The following LONP1 variants were observed in gnomAD, a reference collection of about 807,000 sequenced individuals.
The protein encoded by LONP1 is lon peptidase 1, mitochondrial, also known as lon protease homolog, mitochondrial.
A neutral mutation model predicts 98.5 loss-of-function variants in LONP1; 31 were observed. The ratio of observed to expected loss-of-function variants is 0.31; its 90% CI spans 0.24 to 0.42. The LOEUF is 0.42. Among genes scored for constraint, LONP1 ranks in the 20% least tolerant of loss-of-function variants. The pLI is 1.00. For missense variants in LONP1, 1,336 were observed against 1,350.6 expected (o/e 0.99, Z 0.17); for synonymous variants, 781 against 594.7 (o/e 1.31, Z -4.56).
At chr19:5,696,547 C>T in intron 11 of LONP1, 123 bp downstream of exon 11, 1 of 1,285,582 alleles carries the variant, frequency 7.8e-7, no homozygotes, top group Non-Finnish European at 1.1e-6. Flanking sequence ...TCCGTGCCAT[C>T]AGGGCCAGCA....
intron 3 of LONP1, among the ~76,000 whole-genome samples, chr19:5,712,624 G>A (rs1036116299): frequency 2.6e-5 from 4 of 152,024 alleles, no homozygotes; most frequent in African/African-American, 9.7e-5. Flanking sequence ...AGCCTCCCAA[G>A]TAGCTGGGAC....
chr19:5,720,295 T>C, upstream of LONP1: 3 of 1,013,294 alleles, frequency 3.0e-6, no homozygotes, highest in Non-Finnish European at 4.0e-6. Flanking sequence ...AGTTCGAGCA[T>C]CGGATCGTCT....
In LONP1 at chr19:5,711,904, G is replaced by C; in HGVS notation, c.737C>G (p.Ala246Gly). 6.2e-7 allele frequency: 1 copy of C among 1,612,938 alleles called. No individual in the cohort carries two copies. Among genetic ancestry groups the C allele is most frequent in the Non-Finnish European group, 8.5e-7 (1 of 1,179,762 alleles). ...RRKSKRGKKE[A>G]EDELSARHPA... ...GTGCCTGGCGCTCAGCTCGTCCTCC[G>C]CCTCCTTCTTGCCCCGCTTTGACTT... The change falls in exon 4 of 18, where the codon GCG becomes GGG. Residue 246 changes from alanine to glycine, a missense_variant. Physicochemically the swap from Ala to Gly is moderately conservative, Grantham distance 60 (BLOSUM62 0). Coordinates refer to ENST00000360614, the MANE Select transcript of LONP1 (RefSeq NM_004793.4).
intron 10 of LONP1, 57 bp from the exon 11 acceptor site, chr19:5,696,814 C>T: frequency 1.7e-6 from 2 of 1,194,932 alleles, no homozygotes; most frequent in Admixed American, 1.8e-5. Flanking sequence ...GCCACAACGA[C>T]ACCATGCACC....
Position 5,696,754 on chromosome 19 carries a change from C to G in LONP1, c.1689G>C (p.Arg563=). Residue 563 remains arginine (R), a synonymous_variant, in exon 11 of 18, where the codon CGG becomes CGC. Coordinates refer to ENST00000360614, the MANE Select transcript of LONP1 (RefSeq NM_004793.4). ...TCCCGGGCATGGCGCCCACGTAGGT[C>G]CGCCTGTGGGTGCACAGCGGGGTCA... The part of the protein sequence containing the change: ...TDVAEIKGHR[R]TYVGAMPGKI... 6.2e-7 allele frequency: 1 copy of G among 1,611,790 alleles called. No individual in the cohort carries two copies. The highest frequency in any genetic ancestry group is 8.5e-7 in the Non-Finnish European group (1 of 1,178,706).
At position 5,708,386 on chromosome 19, in the gene LONP1, G is replaced by A. The variant is rs759362983; in HGVS notation, c.888C>T (p.Ile296=). The change falls in exon 5 of 18, where the codon ATC becomes ATT. Residue 296 remains isoleucine (I), a synonymous_variant. Transcript: ENST00000360614. ...TEEVKALTAE[I]VKTIRDIIAL... ...CAATGATGTCCCGGATGGTCTTCAC[G>A]ATCTCTGCAGTCAGGGCCTGCCAAG... The A allele has an allele frequency of 7.8e-6, 12 of 1,539,328 alleles. No individual in the cohort carries two copies. The highest frequency in any genetic ancestry group is 5.4e-5 in the East Asian group (2 of 37,164).
intron 8 of LONP1, among the ~76,000 whole-genome samples, chr19:5,702,720 C>G (rs1008683194): frequency 4.6e-5 from 7 of 151,910 alleles, no homozygotes; most frequent in African/African-American, 1.7e-4. Flanking sequence ...GACCTTACCC[C>G]CAACCCTGTG....
chr19:5,705,928 T>C lies in LONP1; in HGVS notation c.1211A>G (p.Lys404Arg). ...YLLQEQLKII[K>R]KELGLEKDDK... ...GTCCTTCTCCAGGCCCAGCTCCTTCTTGATGATCTTTAGCTGCTCCTGCAG... is the reference window on the plus strand; with the variant it reads ...GTCCTTCTCCAGGCCCAGCTCCTTCCTGATGATCTTTAGCTGCTCCTGCAG... Residue 404 changes from lysine to arginine, a missense_variant, in exon 8 of 18, where the codon AAG (lysine) becomes AGG (arginine). Physicochemically the swap from Lys to Arg is conservative, Grantham distance 26. Transcript: ENST00000360614. 6.2e-7 allele frequency: 1 copy of C among 1,614,106 alleles called. No homozygotes were observed. The highest frequency in any genetic ancestry group is 8.5e-7 in the Non-Finnish European group (1 of 1,180,028).
At position 5,719,770 on chromosome 19, in the gene LONP1, A is replaced by C. The variant is rs778657113; in HGVS notation, c.363T>G (p.Phe121Leu). The change falls in exon 1 of 18, where the codon TTT becomes TTG. Residue 121 changes from phenylalanine (F) to leucine (L), a missense_variant. Phe to Leu is a conservative substitution (Grantham distance 22). Around this residue, in one of 5 missense-constraint regions of LONP1, gnomAD observed 457 missense variants for 403.1 expected, o/e 1.13. Transcript: ENST00000360614. ...ALTPMTIPDV[F>L]PHLPLIAITR... The stretch of plus-strand genomic sequence containing the variant: ...TGATGGCGATGAGCGGCAGGTGCGG[A>C]AACACATCGGGGATCGTCATGGGCG... 1 of 1,613,450 alleles carries C rather than the reference A, an allele frequency of 6.2e-7. No individual in the cohort carries two copies.
chr19:5,699,749 G>A (rs752370029), intron 9 of LONP1, among the ~76,000 whole-genome samples: 115 of 151,320 alleles, frequency 7.6e-4, no homozygotes, highest in Non-Finnish European at 1.3e-3. Flanking sequence ...TAGTAGAGGC[G>A]AGGTTTCACC....
chr19:5,714,511 G>A lies in LONP1; in HGVS notation c.430-240C>T, dbSNP rs182418372. On this transcript the variant is annotated intron_variant, in intron 1 of 17. Transcript: ENST00000360614. Reference sequence around the variant, plus strand: ...GTAGAGATGGGGTTTCACCATATTGGCCAGGTTGGTCTCGAACTCCTGACC... The same window carrying A: ...GTAGAGATGGGGTTTCACCATATTGACCAGGTTGGTCTCGAACTCCTGACC... Among the ~76,000 whole-genome samples, 226 of 151,740 alleles carry A rather than the reference G, an allele frequency of 1.5e-3. 1 individual carries two copies. The highest frequency in any genetic ancestry group is 5.3e-3 in the African/African-American group (218 of 41,358).
intron 4 of LONP1, among the ~76,000 whole-genome samples, chr19:5,710,303 G>C (rs924451876): frequency 6.6e-6 from 1 of 151,852 alleles, no homozygotes; most frequent in African/African-American, 2.4e-5. Flanking sequence ...TGGTCAGGCT[G>C]GTCTCAAACT....
intron 16 of LONP1, 30 bp downstream of exon 16, chr19:5,693,522 G>T: frequency 1.2e-6 from 2 of 1,613,114 alleles, no homozygotes; most frequent in Non-Finnish European, 1.7e-6. Flanking sequence ...GGACTGGGCG[G>T]GAGCAGGTGG....
At position 5,692,112 on chromosome 19, in the gene LONP1, G is replaced by C. The variant is rs1332476597; in HGVS notation, c.2800C>G (p.His934Asp). 2 of 1,614,070 alleles carry C rather than the reference G, an allele frequency of 1.2e-6. No homozygotes were observed. The highest frequency in any genetic ancestry group is 2.2e-5 in the East Asian group (1 of 44,894). Residue 934 changes from histidine to aspartate, a missense_variant, in exon 18 of 18, where the codon CAC becomes GAC. This residue lies in a region of LONP1 where 555 missense variants were observed against 542.6 expected (regional missense o/e 1.02). Coordinates refer to ENST00000360614, the MANE Select transcript of LONP1 (RefSeq NM_004793.4). Reference protein sequence around the residue: ...AAFITEGLEVHFVEHYREIFD... With the variant: ...AAFITEGLEVDFVEHYREIFD... The stretch of plus-strand genomic sequence containing the variant: ...ATCTCCCGGTAGTGTTCCACGAAGT[G>C]CACCTCCAGGCCCTCGGTGATGAAG...
chr19:5,709,289 G>T (rs950340199), intron 4 of LONP1, among the ~76,000 whole-genome samples: 10 of 149,848 alleles, frequency 6.7e-5, no homozygotes, highest in African/African-American at 2.5e-4. Context: ...AGGAGCTCAA[G>T]ACCAGCCTGG....
At chr19:5,695,146 C>T (rs532869884) in intron 13 of LONP1, among the ~76,000 whole-genome samples, 44 of 152,162 alleles carry the variant, frequency 2.9e-4, no homozygotes, top group African/African-American at 8.2e-4. Flanking sequence ...TCTTAGATGC[C>T]GCTTCCTCCA....
Position 5,719,736 on chromosome 19 carries a change from G to A in LONP1, c.397C>T (p.Pro133Ser). ...HLPLIAITRN[P>S]VFPRFIKIIE... The stretch of plus-strand genomic sequence containing the variant: ...ATCTTGATAAAGCGCGGGAACACCG[G>A]GTTGCGGGTGATGGCGATGAGCGGC... The change falls in exon 1 of 18, where the codon CCG (proline) becomes TCG (serine). Residue 133 changes from proline to serine, a missense_variant. Around this residue, in one of 5 missense-constraint regions of LONP1, gnomAD observed 457 missense variants for 403.1 expected, o/e 1.13. Coordinates refer to ENST00000360614, the MANE Select transcript of LONP1 (RefSeq NM_004793.4). The A allele has an allele frequency of 6.2e-7, 1 of 1,613,854 alleles. No homozygotes were observed. The highest frequency in any genetic ancestry group is 8.5e-7 in the Non-Finnish European group (1 of 1,180,030).
At chr19:5,705,717 T>TG in intron 8 of LONP1, 55 bp downstream of exon 8, 1 of 1,545,194 alleles carries the variant, frequency 6.5e-7, no homozygotes. Flanking sequence ...CTGCCTAAGA[T>TG]GGGGGCTGAG....
intron 2 of LONP1, among the ~76,000 whole-genome samples, chr19:5,713,549 C>G (rs553767926): frequency 6.6e-6 from 1 of 152,254 alleles, no homozygotes; most frequent in East Asian, 1.9e-4. Context: ...GAGCCTGCTT[C>G]GAATGCATGC....
Sources: gnomAD v4.1 joint callset for allele counts (sites outside exome capture counted in the v4.1 genomes callset) on GRCh38, gnomAD v4.1.1 for gene constraint, gnomAD v4.1.1 regional missense constraint, MANE v1.5 for transcripts, NCBI Gene and HGNC (gene_info 2026-07-23, HGNC 2026-07-21) for gene names.